Variants in TFDP2 observed in about 807,000 individuals in gnomAD.
TFDP2 encodes the protein transcription factor Dp-2.
TFDP2 carries 17 observed loss-of-function variants against 59.3 expected under a neutral mutation model. That is an observed-to-expected ratio of 0.29 (90% CI 0.20 to 0.43). The LOEUF is 0.43. Among genes scored for constraint, TFDP2 ranks in the 20% least tolerant of loss-of-function variants. The pLI is 1.00. For synonymous variants in TFDP2, 180 were observed against 194.7 expected (o/e 0.92, Z 0.63); for missense variants, 391 against 528.8 (o/e 0.74, Z 2.56).
At chr3:141,985,132 A>G (rs745718777) in intron 6 of TFDP2, among the ~76,000 whole-genome samples, 2 of 152,194 alleles carry the variant, frequency 1.3e-5, no homozygotes, top group Admixed American at 6.6e-5. Flanking sequence ...GGATTAAAAT[A>G]AAAGTTTACT....
At chr3:142,079,208 C>T (rs2060558033) in intron 3 of TFDP2, among the ~76,000 whole-genome samples, 1 of 152,026 alleles carries the variant, frequency 6.6e-6, no homozygotes, top group Admixed American at 6.6e-5. Context: ...AAGGCTGAGG[C>T]AGTAGAATGG....
chr3:142,029,931 G>A (rs1301718369), intron 3 of TFDP2, among the ~76,000 whole-genome samples: 1 of 152,174 alleles, frequency 6.6e-6, no homozygotes, highest in East Asian at 1.9e-4. Context: ...TCTCCTAGAT[G>A]ACTAAGGTAC....
chr3:142,139,690 T>C (rs572137290), intron 1 of TFDP2, among the ~76,000 whole-genome samples: 11 of 152,330 alleles, frequency 7.2e-5, no homozygotes, highest in East Asian at 1.9e-4. Flanking sequence ...TGTTGAATAA[T>C]GGCCCCCACT....
intron 1 of TFDP2, among the ~76,000 whole-genome samples, chr3:142,120,535 CCAAGT>C (rs1442412138): frequency 1.1e-4 from 17 of 152,240 alleles, no homozygotes; most frequent in South Asian, 1.0e-3. Context: ...CATTTACCAG[CCAAGT>C]CATCAGTAAA....
intron 1 of TFDP2, among the ~76,000 whole-genome samples, chr3:142,131,925 G>A (rs993610331): frequency 2.1e-5 from 3 of 144,086 alleles, no homozygotes; most frequent in Non-Finnish European, 4.4e-5. Flanking sequence ...AGAATCACTT[G>A]AACCCGGGAG....
At chr3:142,080,144 A>G (rs1483458045) in intron 3 of TFDP2, among the ~76,000 whole-genome samples, 3 of 152,064 alleles carry the variant, frequency 2.0e-5, no homozygotes, top group African/African-American at 7.2e-5. Flanking sequence ...TTGTATTTTT[A>G]GTAGAGATGG....
intron 1 of TFDP2, among the ~76,000 whole-genome samples, chr3:142,133,633 G>C (rs2062598337): frequency 7.1e-6 from 1 of 140,630 alleles, no homozygotes; most frequent in Non-Finnish European, 1.5e-5. Flanking sequence ...AGGTATCTGG[G>C]CTACAGGCAC....
chr3:142,100,083 C>T (rs922601821), intron 2 of TFDP2, among the ~76,000 whole-genome samples: 35 of 152,184 alleles, frequency 2.3e-4, no homozygotes, highest in Non-Finnish European at 7.3e-5. Flanking sequence ...TGAATTATAA[C>T]CCAAAATAAG....
intron 3 of TFDP2, among the ~76,000 whole-genome samples, chr3:142,036,436 T>G (rs931047446): frequency 6.6e-6 from 1 of 152,220 alleles, no homozygotes. Context: ...CCCACAGTAT[T>G]GATGATGTGC....
At chr3:142,021,959 T>C (rs1945650284) in intron 3 of TFDP2, among the ~76,000 whole-genome samples, 1 of 152,254 alleles carries the variant, frequency 6.6e-6, no homozygotes. Flanking sequence ...TTAGTTAAAA[T>C]ATGTCCTTTT....
chr3:142,031,942 A>T (rs1456693929), intron 3 of TFDP2, among the ~76,000 whole-genome samples: 1 of 26,458 alleles, frequency 3.8e-5, no homozygotes, highest in Non-Finnish European at 1.4e-4. Flanking sequence ...AAAATATTGA[A>T]TCTTCCTGAC....
chr3:142,043,476 G>A, intron 3 of TFDP2: 1 of 426,602 alleles, frequency 2.3e-6, no homozygotes, highest in Non-Finnish European at 4.3e-6. Flanking sequence ...CGATTCTCCT[G>A]CCTCAGCCTC....
chr3:141,969,001 CATATATATAGAT>C (rs1435809524), intron 9 of TFDP2, among the ~76,000 whole-genome samples: 3 of 79,096 alleles, frequency 3.8e-5, no homozygotes, highest in Non-Finnish European at 6.5e-5. Flanking sequence ...ACATATATCT[CATATATATAGAT>C]ATATATATAA....
intron 3 of TFDP2, among the ~76,000 whole-genome samples, chr3:142,085,105 G>T (rs1012892129): frequency 7.2e-5 from 11 of 152,146 alleles, no homozygotes; most frequent in African/African-American, 2.6e-4. Flanking sequence ...ATTTTTAGTA[G>T]AGACAGGGTT....
chr3:142,023,122 CAAAAAAAAAAA>C (rs765096570), intron 3 of TFDP2, among the ~76,000 whole-genome samples: 4 of 59,588 alleles, frequency 6.7e-5, no homozygotes, highest in African/African-American at 2.7e-4. Flanking sequence ...CCCTCCGTCT[CAAAAAAAAAAA>C]AAAAAAAAAA....
At chr3:141,969,178 C>G (rs1383658850) in intron 9 of TFDP2, among the ~76,000 whole-genome samples, 2 of 85,762 alleles carry the variant, frequency 2.3e-5, no homozygotes, top group South Asian at 3.4e-4. Flanking sequence ...ATATATATAT[C>G]TCATATATAT....
chr3:142,048,789 C>A (rs1298165215), intron 3 of TFDP2, among the ~76,000 whole-genome samples: 2 of 152,152 alleles, frequency 1.3e-5, no homozygotes, highest in African/African-American at 4.8e-5. Flanking sequence ...TGGTCTCAAA[C>A]TCCTGGGCTC....
chr3:142,040,316 G>A (rs561949901), intron 3 of TFDP2, among the ~76,000 whole-genome samples: 1 of 152,316 alleles, frequency 6.6e-6, no homozygotes, highest in South Asian at 2.1e-4. Flanking sequence ...TTCTATGGTA[G>A]GCGCAGTGGC....
chr3:141,966,890 T>G (rs1458726978), intron 9 of TFDP2, among the ~76,000 whole-genome samples: 3 of 147,376 alleles, frequency 2.0e-5, no homozygotes, highest in African/African-American at 7.6e-5. Flanking sequence ...TCAAGTGAGC[T>G]TAGCCACAGC....
Sources: gnomAD v4.1 joint callset for allele counts (sites outside exome capture counted in the v4.1 genomes callset) on GRCh38, gnomAD v4.1.1 for gene constraint, MANE v1.5 for transcripts, NCBI Gene and HGNC (gene_info 2026-07-23, HGNC 2026-07-21) for gene names.